The following LRRC4C variants were observed in gnomAD, a reference collection of about 807,000 sequenced individuals.
LRRC4C encodes the protein leucine-rich repeat-containing protein 4C.
A neutral mutation model predicts 33.6 loss-of-function variants in LRRC4C; 5 were observed. The ratio of observed to expected loss-of-function variants is 0.15; its 90% CI spans 0.08 to 0.31. The LOEUF is 0.31. LRRC4C is among the 10% of genes least tolerant of loss of function. LRRC4C has a pLI of 1.00. For missense variants in LRRC4C, 560 were observed against 796.7 expected, an observed-to-expected ratio of 0.70 and a Z score of 3.58; for synonymous variants, 329 against 302.0, an observed-to-expected ratio of 1.09 and a Z score of -0.93.
chr11:41,362,926 C>T (rs1952407775), intron 1 of LRRC4C, among the ~76,000 whole-genome samples: 1 of 152,114 alleles, frequency 6.6e-6, no homozygotes, highest in Non-Finnish European at 1.5e-5. Context: ...ATAATCTCCT[C>T]ATCTCAAAAT....
chr11:40,541,262 G>A (rs2135386210), intron 3 of LRRC4C, among the ~76,000 whole-genome samples: 1 of 152,156 alleles, frequency 6.6e-6, no homozygotes, highest in South Asian at 2.1e-4. Context: ...GCTTACTACA[G>A]CCTCAAACTC....
chr11:40,708,297 G>T lies in LRRC4C; in HGVS notation c.-406-60019C>A, dbSNP rs183211352. ...TCTTGCTTCTCTAGTTCTTTTAATT[G>T]TGATGTTAGGGCATCAATTTTAGAT... is the stretch of plus-strand genomic sequence containing the variant. On this transcript the variant is annotated intron_variant, in intron 2 of 6. Transcript: ENST00000528697. Among the ~76,000 whole-genome samples the T allele has an allele frequency of 2.4e-3, 360 of 152,046 alleles. 2 individuals are homozygous for T. Among genetic ancestry groups the T allele is most frequent in the African/African-American group, 8.1e-3 (336 of 41,462 alleles).
chr11:40,168,414 T>C (rs932560112), intron 5 of LRRC4C, among the ~76,000 whole-genome samples: 3 of 152,210 alleles, frequency 2.0e-5, no homozygotes, highest in African/African-American at 7.2e-5. Flanking sequence ...TCAGATTTGC[T>C]CTAGTTTGCG....
chr11:40,670,655 T>TA (rs1944044417), intron 2 of LRRC4C, among the ~76,000 whole-genome samples: 1 of 152,166 alleles, frequency 6.6e-6, no homozygotes, highest in Admixed American at 6.5e-5. Flanking sequence ...GAAAAAAGGG[T>TA]ACATACCAAA....
At chr11:41,355,223 CA>C (rs2137609862) in intron 1 of LRRC4C, among the ~76,000 whole-genome samples, 1 of 152,158 alleles carries the variant, frequency 6.6e-6, no homozygotes, top group Non-Finnish European at 1.5e-5. Flanking sequence ...AAAAAATGCT[CA>C]GCATCCCTAA....
intron 1 of LRRC4C, among the ~76,000 whole-genome samples, chr11:41,211,132 C>A (rs1233096185): frequency 1.3e-5 from 2 of 151,946 alleles, no homozygotes; most frequent in Non-Finnish European, 2.9e-5. Context: ...GTTGGGGCCC[C>A]CTGGTTTAAA....
chr11:41,296,564 C>T (rs1365197749), intron 1 of LRRC4C, among the ~76,000 whole-genome samples: 2 of 152,138 alleles, frequency 1.3e-5, no homozygotes, highest in Non-Finnish European at 2.9e-5. Context: ...ATTAGCCCAC[C>T]TCAGCCTCCC....
chr11:40,865,930 T>G (rs1954341976), intron 2 of LRRC4C, among the ~76,000 whole-genome samples: 1 of 151,850 alleles, frequency 6.6e-6, no homozygotes. Context: ...AATATGAGTT[T>G]GAAAAAAAAA....
intron 1 of LRRC4C, among the ~76,000 whole-genome samples, chr11:41,008,632 CA>C: frequency 6.6e-6 from 1 of 152,172 alleles, no homozygotes; most frequent in East Asian, 1.9e-4. Context: ...ATCTCAGCAC[CA>C]TTAACAGATA....
intron 1 of LRRC4C, among the ~76,000 whole-genome samples, chr11:41,018,824 C>G (rs943346672): frequency 2.0e-5 from 3 of 152,028 alleles, no homozygotes. Context: ...AGCTAAGTAG[C>G]AAAATTTTCT....
At chr11:40,461,867 G>T (rs1952413741) in intron 3 of LRRC4C, among the ~76,000 whole-genome samples, 2 of 151,490 alleles carry the variant, frequency 1.3e-5, no homozygotes, top group South Asian at 4.2e-4. Context: ...GTAAAGAAAA[G>T]TTAAATATGG....
intron 1 of LRRC4C, among the ~76,000 whole-genome samples, chr11:41,240,004 G>C (rs979096521): frequency 1.3e-5 from 2 of 152,086 alleles, no homozygotes; most frequent in Non-Finnish European, 2.9e-5. Flanking sequence ...AAATTGTGTT[G>C]TGTCCAATAT....
intron 3 of LRRC4C, among the ~76,000 whole-genome samples, chr11:40,443,425 C>T (rs1951484379): frequency 6.6e-6 from 1 of 152,158 alleles, no homozygotes; most frequent in Non-Finnish European, 1.5e-5. Context: ...CAACTTTGTT[C>T]TGGATTGCAG....
At chr11:41,212,017 G>A (rs1016198947) in intron 1 of LRRC4C, among the ~76,000 whole-genome samples, 25 of 152,172 alleles carry the variant, frequency 1.6e-4, no homozygotes, top group African/African-American at 5.5e-4. Flanking sequence ...TTTAATGATC[G>A]AGGCCAACTA....
Position 41,297,130 on chromosome 11 carries a change from A to G in LRRC4C, c.-496+162301T>C, listed in dbSNP as rs769414444. 9.3e-4 allele frequency among the ~76,000 whole-genome samples: 142 copies of G among 152,200 alleles called. 4 individuals carry two copies. The highest frequency in any genetic ancestry group is 2.4e-4 in the Non-Finnish European group (16 of 68,022). On this transcript the variant is annotated intron_variant, in intron 1 of 6. Transcript: ENST00000528697. ...TTGTCAAATGTTTCTTTCTCTGTCA[A>G]TTGAGATGATCATGTGGTTTTTATT...
At chr11:40,903,728 T>C (rs1956303294) in intron 2 of LRRC4C, among the ~76,000 whole-genome samples, 1 of 152,100 alleles carries the variant, frequency 6.6e-6, no homozygotes, top group South Asian at 2.1e-4. Flanking sequence ...TTAGAAAGAA[T>C]GACTAAGACC....
chr11:41,173,324 T>A (rs1945058230), intron 1 of LRRC4C, among the ~76,000 whole-genome samples: 2 of 152,122 alleles, frequency 1.3e-5, no homozygotes, highest in African/African-American at 4.8e-5. Context: ...AACTACCAAT[T>A]TTCCCAATCC....
chr11:40,512,322 C>T (rs1481039588), intron 3 of LRRC4C, among the ~76,000 whole-genome samples: 1 of 151,910 alleles, frequency 6.6e-6, no homozygotes, highest in African/African-American at 2.4e-5. Flanking sequence ...TGCAGTGAGC[C>T]GAGATCATAC....
At chr11:40,569,116 T>C (rs1276004859) in intron 3 of LRRC4C, among the ~76,000 whole-genome samples, 2 of 152,134 alleles carry the variant, frequency 1.3e-5, no homozygotes, top group African/African-American at 4.8e-5. Flanking sequence ...AAATTTGAGA[T>C]CTACTGATGA....
Sources: allele counts gnomAD v4.1 joint callset (sites outside exome capture counted in the v4.1 genomes callset), GRCh38; gene constraint gnomAD v4.1.1; transcripts MANE v1.5; gene names NCBI Gene and HGNC (gene_info 2026-07-23, HGNC 2026-07-21).